DNAI1: variants seen among roughly 807,000 people sequenced by gnomAD.
DNAI1 encodes the protein dynein axonemal intermediate chain 1, also known as dynein, axonemal, intermediate polypeptide 1.
DNAI1 carries 67 observed loss-of-function variants against 92.0 expected under a neutral mutation model. The ratio of observed to expected loss-of-function variants is 0.73; its 90% confidence interval spans 0.60 to 0.89. The LOEUF is 0.89. Ranked by LOEUF, DNAI1 falls within the 40% of genes least tolerant of loss-of-function variation. The pLI, the probability that DNAI1 is intolerant of heterozygous loss-of-function variation, is 0.00. For missense variants in DNAI1, 839 were observed against 866.6 expected (o/e 0.97, Z 0.40); for synonymous variants, 323 against 319.6 (o/e 1.01, Z -0.11).
At chr9:34,487,272 G>A (rs1461798906) in intron 4 of DNAI1, among the ~76,000 whole-genome samples, 2 of 151,508 alleles carry the variant, frequency 1.3e-5, no homozygotes, top group African/African-American at 4.9e-5. Context: ...TGCAAGCTCC[G>A]CCTCCCGGGT....
intron 1 of DNAI1, among the ~76,000 whole-genome samples, chr9:34,481,894 T>G (rs1268519676): frequency 2.6e-5 from 4 of 152,194 alleles, no homozygotes; most frequent in African/African-American, 7.2e-5. Flanking sequence ...TTCCACAGTG[T>G]GGAAGGGGAC....
rs187430302 is a variant in DNAI1 at position 34,517,234 on chromosome 9, G to A, written c.1819-51G>A. On this transcript the variant is annotated intron_variant, in intron 18 of 19. Coordinates refer to ENST00000242317, the MANE Select transcript of DNAI1 (RefSeq NM_012144.4). ...GTCCAGGGACTCATTCCTCTGAGGT[G>A]GAAGACAGGCCTCATTACCCCTGAG... is the stretch of plus-strand genomic sequence containing the variant. 6.4e-5 allele frequency: 102 copies of A among 1,593,488 alleles called. No homozygotes were observed. The African/African-American group carries it at 1.0e-3, about 16-fold the overall frequency.
At chr9:34,511,906 G>A (rs1426538257) in intron 13 of DNAI1, among the ~76,000 whole-genome samples, 2 of 152,054 alleles carry the variant, frequency 1.3e-5, no homozygotes, top group Non-Finnish European at 2.9e-5. Flanking sequence ...GGTCAAGAAA[G>A]GAATGAGAAA....
chr9:34,478,177 G>A (rs1824275469), intron 1 of DNAI1, among the ~76,000 whole-genome samples: 1 of 152,116 alleles, frequency 6.6e-6, no homozygotes, highest in Admixed American at 6.5e-5. Flanking sequence ...GTGAGCCACA[G>A]TGCCTGGCCA....
At chr9:34,478,574 T>G (rs1366270636) in intron 1 of DNAI1, 1 of 152,222 alleles carries the variant, frequency 6.6e-6, no homozygotes. Flanking sequence ...CAGTTCCTGC[T>G]CTCACAGTGC....
chr9:34,472,222 T>C (rs1824149732), intron 1 of DNAI1, among the ~76,000 whole-genome samples: 1 of 152,234 alleles, frequency 6.6e-6, no homozygotes, highest in South Asian at 2.1e-4. Flanking sequence ...TATTTTATTT[T>C]ATACTCACAG....
intron 19 of DNAI1, among the ~76,000 whole-genome samples, chr9:34,517,672 T>G (rs765201862): frequency 9.2e-5 from 14 of 152,160 alleles, no homozygotes; most frequent in Non-Finnish European, 1.8e-4. Flanking sequence ...GAGTTACCTG[T>G]GGGGCCCCAG....
chr9:34,500,817 C>T lies in DNAI1; in HGVS notation c.997C>T (p.Leu333=), dbSNP rs1824815881. The change falls in exon 11 of 20, where the codon CTG becomes TTG. Residue 333 remains leucine (L), a synonymous_variant. Coordinates refer to ENST00000242317, the MANE Select transcript of DNAI1 (RefSeq NM_012144.4). ...GTTCCAAAATGACAAAGCCAAGCGC[C>T]TGTCCGTCACTGCCCTCTGCTGGTA... The part of the protein sequence containing the change: ...WKFQNDKAKR[L]SVTALCWNPK... 6.2e-7 allele frequency: 1 copy of T among 1,613,990 alleles called. No homozygotes were observed. The highest frequency in any genetic ancestry group is 1.7e-5 in the Admixed American group (1 of 60,006).
chr9:34,519,745 TG>T (rs995900940), intron 19 of DNAI1, among the ~76,000 whole-genome samples: 5 of 152,060 alleles, frequency 3.3e-5, no homozygotes, highest in African/African-American at 1.2e-4. Flanking sequence ...AAGGTAAGGC[TG>T]GGGTAGGTGT....
chr9:34,485,348 G>A (rs1389246709), intron 3 of DNAI1, 89 bp from the exon 4 acceptor site: 18 of 1,588,428 alleles, frequency 1.1e-5, no homozygotes, highest in Non-Finnish European at 1.6e-5. Context: ...GGTGTGAGAT[G>A]TCTGCTGATA....
intron 1 of DNAI1, among the ~76,000 whole-genome samples, chr9:34,472,387 C>A (rs191116215): frequency 1.3e-5 from 2 of 152,250 alleles, no homozygotes; most frequent in Non-Finnish European, 2.9e-5. Flanking sequence ...CTTTTAAATC[C>A]GATACTTTCT....
intron 7 of DNAI1, 106 bp downstream of exon 7, chr9:34,490,594 C>A: frequency 6.8e-7 from 1 of 1,461,376 alleles, no homozygotes; most frequent in Non-Finnish European, 9.6e-7. Flanking sequence ...GCAGGGGTGA[C>A]AGGACAACAG....
intron 1 of DNAI1, among the ~76,000 whole-genome samples, chr9:34,469,282 T>C (rs1824096108): frequency 6.8e-6 from 1 of 147,484 alleles, no homozygotes; most frequent in South Asian, 2.2e-4. Flanking sequence ...TTTTTTTTTT[T>C]TGAGACAAGG....
At chr9:34,474,380 A>G (rs1285175042) in intron 1 of DNAI1, among the ~76,000 whole-genome samples, 1 of 151,674 alleles carries the variant, frequency 6.6e-6, no homozygotes, top group Non-Finnish European at 1.5e-5. Context: ...GACTACAGGC[A>G]TGCAACACCA....
At position 34,517,365 on chromosome 9, in the gene DNAI1, C is replaced by A. The variant is rs1424652340; in HGVS notation, c.1899C>A (p.Thr633=). Residue 633 remains threonine, a synonymous_variant, in exon 19 of 20, where the codon ACC becomes ACA. Transcript: ENST00000242317. ...QPVAAKKNRL[T]HVQFNLIHPI... is the part of the protein sequence containing the mutation. Reference sequence around the variant, plus strand: ...TGGCGGCCAAAAAGAACAGGCTCACCCACGTGCAGTTCAATCTCATCCACC... The same window carrying A: ...TGGCGGCCAAAAAGAACAGGCTCACACACGTGCAGTTCAATCTCATCCACC... 6.8e-6 allele frequency: 11 copies of A among 1,614,164 alleles called. No individual in the cohort carries two copies. The highest frequency in any genetic ancestry group is 9.3e-6 in the Non-Finnish European group (11 of 1,180,036).
At chr9:34,484,250 T>A (rs1011488911) in intron 2 of DNAI1, among the ~76,000 whole-genome samples, 1 of 152,168 alleles carries the variant, frequency 6.6e-6, no homozygotes, top group African/African-American at 2.4e-5. Flanking sequence ...AATAAATGTT[T>A]TCTTTTTCAC....
At chr9:34,502,317 C>G (rs1472354370) in intron 12 of DNAI1, among the ~76,000 whole-genome samples, 3 of 152,186 alleles carry the variant, frequency 2.0e-5, no homozygotes, top group African/African-American at 7.2e-5. Flanking sequence ...AGTGCCCTCC[C>G]CCTCTGGCAG....
chr9:34,460,503 G>C (rs1160175968), intron 1 of DNAI1, among the ~76,000 whole-genome samples: 4 of 152,176 alleles, frequency 2.6e-5, no homozygotes, highest in Admixed American at 6.5e-5. Flanking sequence ...AGATGGACCT[G>C]ACTTTCTTAG....
At chr9:34,514,015 CTGTT>C (rs1340205360) in intron 16 of DNAI1, among the ~76,000 whole-genome samples, 1 of 152,234 alleles carries the variant, frequency 6.6e-6, no homozygotes, top group African/African-American at 2.4e-5. Flanking sequence ...AACCAGGGCT[CTGTT>C]TGTCCACAGG....
Sources: gnomAD v4.1 joint callset for allele counts (sites outside exome capture counted in the v4.1 genomes callset) on GRCh38, gnomAD v4.1.1 for gene constraint, MANE v1.5 for transcripts, NCBI Gene and HGNC (gene_info 2026-07-23, HGNC 2026-07-21) for gene names.